The following IL1R2 variants were observed in gnomAD, a reference collection of about 807,000 sequenced individuals.
IL1R2 encodes the protein interleukin 1 receptor type 2.
IL1R2 carries 46 observed loss-of-function variants against 39.5 expected under a neutral mutation model. The ratio of observed to expected loss-of-function variants is 1.16; its 90% CI spans 0.92 to 1.49. The LOEUF (loss-of-function observed/expected upper bound fraction) is 1.49. Among genes scored for constraint, IL1R2 ranks in the 40% most tolerant of loss-of-function variants. IL1R2 has a pLI of 0.00. For missense variants in IL1R2, 537 were observed against 502.0 expected (o/e 1.07, Z -0.67); for synonymous variants, 207 against 189.6 (o/e 1.09, Z -0.75).
intron 6 of IL1R2, chr2:102,023,478 G>A (rs1677523181): frequency 1.3e-5 from 2 of 152,326 alleles, no homozygotes; most frequent in East Asian, 1.9e-4. Flanking sequence ...ACACTGATTA[G>A]TAGGTTGTTA....
chr2:102,003,184 CTCTG>C lies in IL1R2; in HGVS notation c.-61-5325_-61-5322del, dbSNP rs745886471. Among the ~76,000 whole-genome samples, 117 of 119,782 alleles carry C rather than the reference CTCTG, an allele frequency of 9.8e-4. 12 individuals are homozygous for C. Among genetic ancestry groups the C allele is most frequent in the Admixed American group, 1.3e-3 (15 of 11,462 alleles). 78.6% of individuals were successfully genotyped at this position (119,782 alleles called of 152,430 possible). A position where few individuals can be genotyped will look rare whatever the true frequency, so the allele number is the denominator to read the frequency against. The stretch of plus-strand genomic sequence containing the variant: ...TCTGTGTCTATGTCTGTGTCTGTGT[CTCTG>C]TCTGTGTCTATGTCTATGTCTATAT... On this transcript the variant is annotated intron_variant, in intron 1 of 8. Coordinates refer to ENST00000332549, the MANE Select transcript of IL1R2 (RefSeq NM_004633.4).
At chr2:102,014,004 G>T (rs1158168501) in intron 3 of IL1R2, among the ~76,000 whole-genome samples, 1 of 152,156 alleles carries the variant, frequency 6.6e-6, no homozygotes, top group Non-Finnish European at 1.5e-5. Context: ...ACTACATGGG[G>T]AGTGCAAGTG....
intron 1 of IL1R2, among the ~76,000 whole-genome samples, chr2:101,993,580 T>TTC (rs753275688): frequency 3.8e-4 from 58 of 151,202 alleles, no homozygotes; most frequent in Non-Finnish European, 6.2e-4. Context: ...GTCTGCCTGT[T>TTC]TCTCTCTCTC....
At chr2:102,023,043 A>C (rs1677499414) in intron 6 of IL1R2, among the ~76,000 whole-genome samples, 1 of 152,206 alleles carries the variant, frequency 6.6e-6, no homozygotes, top group Admixed American at 6.5e-5. Context: ...TGGAGTTCAG[A>C]TTCAGGTCTG....
chr2:102,027,144 G>C (rs1677791533), intron 8 of IL1R2, among the ~76,000 whole-genome samples: 1 of 152,200 alleles, frequency 6.6e-6, no homozygotes, highest in Non-Finnish European at 1.5e-5. Context: ...ACTTACTCCA[G>C]ATCCACCCTG....
intron 1 of IL1R2, among the ~76,000 whole-genome samples, chr2:101,995,113 G>T (rs1300197697): frequency 6.6e-6 from 1 of 152,152 alleles, no homozygotes; most frequent in Non-Finnish European, 1.5e-5. Context: ...AGTAATTTAG[G>T]TTCTCAATCA....
intron 3 of IL1R2, among the ~76,000 whole-genome samples, chr2:102,014,237 T>C (rs1048726616): frequency 1.3e-5 from 2 of 152,242 alleles, no homozygotes; most frequent in African/African-American, 4.8e-5. Flanking sequence ...TCTTTGTAGC[T>C]GTACAGCCCA....
At chr2:102,015,734 A>T in intron 3 of IL1R2, 137 bp from the exon 4 acceptor site, 2 of 682,496 alleles carry the variant, frequency 2.9e-6, no homozygotes, top group Non-Finnish European at 4.9e-6. Context: ...GAACCATCTT[A>T]TGTCGGGAAA....
At chr2:102,003,846 TCTGTGG>T (rs1559413996) in intron 1 of IL1R2, among the ~76,000 whole-genome samples, 31 of 151,114 alleles carry the variant, frequency 2.1e-4, no homozygotes, top group East Asian at 1.8e-3. Context: ...TGTGTCTGTG[TCTGTGG>T]CTGTGTCTGT....
At position 102,008,229 on chromosome 2, in the gene IL1R2, G is replaced by A. The variant is rs1243661587; in HGVS notation, c.-61-286G>A. 4.6e-5 allele frequency among the ~76,000 whole-genome samples: 7 copies of A among 152,272 alleles called. 1 individual carries two copies. The highest frequency in any genetic ancestry group is 1.7e-4 in the African/African-American group (7 of 41,472). ...TGAGGAAGCAGCATCTCTGGCCAAG[G>A]CGCAGGAATGGCTAAGGGAGGTCTC... On this transcript the variant is annotated intron_variant, in intron 1 of 8. Coordinates refer to ENST00000332549, the MANE Select transcript of IL1R2 (RefSeq NM_004633.4).
chr2:102,024,899 GCA>G, intron 7 of IL1R2: 1 of 469,070 alleles, frequency 2.1e-6, no homozygotes, highest in East Asian at 3.7e-5. Context: ...TATTGATGTT[GCA>G]TTTTGTAGCT....
intron 3 of IL1R2, among the ~76,000 whole-genome samples, chr2:102,015,056 G>A (rs1387910785): frequency 6.6e-6 from 1 of 152,082 alleles, no homozygotes. Flanking sequence ...CTTACACTAA[G>A]TTTCCAGCAG....
intron 3 of IL1R2, among the ~76,000 whole-genome samples, chr2:102,014,246 C>T (rs1206918273): frequency 6.6e-6 from 1 of 152,132 alleles, no homozygotes; most frequent in African/African-American, 2.4e-5. Flanking sequence ...CTGTACAGCC[C>T]ACTTAATTTC....
In IL1R2 at chr2:102,024,902, T is replaced by C. The variant is rs1677640404; in HGVS notation, c.887+234T>C. ...TTGACATGTTGGTATTGATGTTGCA[T>C]TTTGTAGCTGTTTCATTAAACATTG... On this transcript the variant is annotated intron_variant, in intron 7 of 8. Transcript: ENST00000332549. 1.1e-5 allele frequency: 5 copies of C among 475,494 alleles called. 1 individual carries two copies. Among genetic ancestry groups the C allele is most frequent in the Middle Eastern group, 5.8e-4 (1 of 1,736 alleles). The allele number at this position is 475,494 out of a possible 1,614,324, so 29.5% of individuals were successfully genotyped here.
At position 102,022,215 on chromosome 2, in the gene IL1R2, C is replaced by T. The variant is rs267598801; in HGVS notation, c.717C>T (p.Ile239=). 12 of 1,613,734 alleles carry T rather than the reference C, an allele frequency of 7.4e-6. No individual in the cohort carries two copies. In the East Asian group the frequency reaches 2.7e-4, roughly 36 times the overall value. Residue 239 remains isoleucine (I), a synonymous_variant, in exon 6 of 9, where the codon ATC becomes ATT. Coordinates refer to ENST00000332549, the MANE Select transcript of IL1R2 (RefSeq NM_004633.4). ...KKKKEETIPV[I]ISPLKTISAS... ...AAAAAGAAGAGACCATTCCTGTGAT[C>T]ATTTCCCCCCTCAAGACCATATCAG...
chr2:102,013,541 A>G (rs1297040700), intron 3 of IL1R2, among the ~76,000 whole-genome samples: 49 of 143,932 alleles, frequency 3.4e-4, no homozygotes, highest in African/African-American at 1.1e-3. Flanking sequence ...AAAAAAAAAA[A>G]AAAAAAAAAA....
At chr2:102,026,517 C>G (rs1211539596) in intron 8 of IL1R2, among the ~76,000 whole-genome samples, 1 of 152,160 alleles carries the variant, frequency 6.6e-6, no homozygotes, top group East Asian at 1.9e-4. Context: ...CAGTAAACTT[C>G]GAAATACTCT....
chr2:102,003,059 T>C (rs1442703972), intron 1 of IL1R2, among the ~76,000 whole-genome samples: 2 of 119,330 alleles, frequency 1.7e-5, no homozygotes, highest in African/African-American at 5.2e-5. Flanking sequence ...TATATCTGTG[T>C]CTGTGTCTGG....
Position 102,003,352 on chromosome 2 carries a change from G to A in IL1R2, c.-61-5163G>A, listed in dbSNP as rs1262253074. Among the ~76,000 whole-genome samples the A allele has an allele frequency of 4.8e-5, 7 of 146,308 alleles. No individual in the cohort carries two copies. In the East Asian group the frequency reaches 6.3e-4, roughly 13 times the overall value. ...TCTGTGTCTGGCTGTGGCTGTGTCT[G>A]TGTCTGTGTCGGTGTCTGTGTCAGT... On this transcript the variant is annotated intron_variant, in intron 1 of 8. Coordinates refer to ENST00000332549, the MANE Select transcript of IL1R2 (RefSeq NM_004633.4).
Sources: gnomAD v4.1 joint callset for allele counts (sites outside exome capture counted in the v4.1 genomes callset) on GRCh38, gnomAD v4.1.1 for gene constraint, MANE v1.5 for transcripts, NCBI Gene and HGNC (gene_info 2026-07-23, HGNC 2026-07-21) for gene names.